Variants in HTR1D observed in about 807,000 individuals in gnomAD.
HTR1D encodes 5-HT-1D.
In HTR1D, 18 loss-of-function variants were observed where a neutral mutation model predicts 21.1. That is an observed-to-expected ratio of 0.85 (90% CI 0.59 to 1.27). HTR1D has a LOEUF of 1.27. Ranked by LOEUF, HTR1D falls within the 50% of genes most tolerant of loss-of-function variation. The pLI, the probability that HTR1D is intolerant of heterozygous loss-of-function variation, is 0.00. For missense variants in HTR1D, 456 were observed against 481.4 expected (o/e 0.95, Z 0.49); for synonymous variants, 196 against 204.4 (o/e 0.96, Z 0.35).
intron 1 of HTR1D, among the ~76,000 whole-genome samples, chr1:23,201,706 C>A (rs1389669848): frequency 6.6e-6 from 1 of 152,110 alleles, no homozygotes; most frequent in East Asian, 1.9e-4. Context: ...CACAAGCCAC[C>A]ATGCCCAGCA....
intron 1 of HTR1D, among the ~76,000 whole-genome samples, chr1:23,211,499 C>T (rs1557728418): frequency 6.6e-6 from 1 of 151,978 alleles, no homozygotes; most frequent in South Asian, 2.1e-4. Context: ...TACCATGTCC[C>T]GAGTTAAAAA....
rs1486077817 is a variant in HTR1D at position 23,217,348 on chromosome 1, C to T, written c.-840G>A. On this transcript the variant is annotated 5_prime_UTR_variant, in exon 1 of 2. Coordinates refer to ENST00000374619, the MANE Select transcript of HTR1D (RefSeq NM_000864.5). The surrounding 1 kb of genome is among the most constrained non-coding windows in gnomAD (Gnocchi z 4.6). ...CGTACCCGCCCGATCCACTTCCTCG[C>T]GCGGCGTCTCCCCGTCGCGGCCGCC... is the stretch of plus-strand genomic sequence containing the variant. 1.3e-5 allele frequency among the ~76,000 whole-genome samples: 2 copies of T among 151,796 alleles called. No individual in the cohort carries two copies. The highest frequency in any genetic ancestry group is 4.8e-5 in the African/African-American group (2 of 41,376).
At chr1:23,207,151 G>A (rs893489329) in intron 1 of HTR1D, among the ~76,000 whole-genome samples, 3 of 152,076 alleles carry the variant, frequency 2.0e-5, no homozygotes, top group African/African-American at 7.2e-5. Context: ...GTAATCTCAG[G>A]ACATTGGGAG....
At chr1:23,199,030 A>AT (rs137918322) in intron 1 of HTR1D, among the ~76,000 whole-genome samples, 53,021 of 150,718 alleles carry the variant, frequency 0.35, 9,766 homozygotes, top group African/African-American at 0.47. Context: ...TAATTTTTGT[A>AT]TTTTTTTTTA....
At position 23,213,260 on chromosome 1, in the gene HTR1D, G is replaced by A. The variant is rs577408588; in HGVS notation, c.-783+4031C>T. ...TAAGGGTTGGGAGGTCGAGGCTGGC[G>A]GATCATGAGGTCAGATCAAGACCAT... On this transcript the variant is annotated intron_variant, in intron 1 of 1. Transcript: ENST00000374619. Among the ~76,000 whole-genome samples, 35 of 151,920 alleles carry A rather than the reference G, an allele frequency of 2.3e-4. No individual in the cohort carries two copies. In the South Asian group the frequency reaches 5.4e-3, roughly 24 times the overall value.
chr1:23,215,796 T>C (rs1644771504), intron 1 of HTR1D, among the ~76,000 whole-genome samples: 1 of 152,234 alleles, frequency 6.6e-6, no homozygotes, highest in African/African-American at 2.4e-5. Flanking sequence ...GCACTAGGGC[T>C]CAGGGCTTCT....
chr1:23,209,929 C>T (rs1265997243), intron 1 of HTR1D, among the ~76,000 whole-genome samples: 1 of 152,150 alleles, frequency 6.6e-6, no homozygotes, highest in African/African-American at 2.4e-5. Context: ...TGAGCAGGCC[C>T]TCTCTCTGAC....
chr1:23,203,187 C>T (rs913040703), intron 1 of HTR1D, among the ~76,000 whole-genome samples: 9 of 152,192 alleles, frequency 5.9e-5, no homozygotes, highest in Admixed American at 2.0e-4. Context: ...GCATCAGCCA[C>T]CGCGCCCGGC....
At chr1:23,213,174 A>C (rs566832607) in intron 1 of HTR1D, among the ~76,000 whole-genome samples, 44 of 152,230 alleles carry the variant, frequency 2.9e-4, no homozygotes, top group African/African-American at 9.9e-4. Context: ...CACCTAGCCC[A>C]AGCTTTGAAT....
chr1:23,211,609 T>TTATGTATG lies in HTR1D; in HGVS notation c.-783+5674_-783+5681dup, dbSNP rs58459077. 7.8e-3 allele frequency among the ~76,000 whole-genome samples: 1,146 copies of TTATGTATG among 146,736 alleles called. 6 individuals carry two copies. Among genetic ancestry groups the TTATGTATG allele is most frequent in the Middle Eastern group, 0.01 (3 of 292 alleles). On this transcript the variant is annotated intron_variant, in intron 1 of 1. Coordinates refer to ENST00000374619, the MANE Select transcript of HTR1D (RefSeq NM_000864.5). ...CCCTGCAATACACTCCAAATCCTTT[T>TTATGTATG]TATGTATGTATGTATGTATGTATGT...
Position 23,217,429 on chromosome 1 carries a change from G to C in HTR1D, c.-921C>G, listed in dbSNP as rs933360364. On this transcript the variant is annotated 5_prime_UTR_variant, in exon 1 of 2. Coordinates refer to ENST00000374619, the MANE Select transcript of HTR1D (RefSeq NM_000864.5). This position sits in a 1 kb window ranked among gnomAD's most constrained non-coding sequence, Gnocchi z 4.6. ...GGGGCCGCCCGCCCCGCCGCCCCGG[G>C]GCCCTTTCCGGCTCGCGCCCTCGCG... 6.6e-6 allele frequency among the ~76,000 whole-genome samples: 1 copy of C among 151,858 alleles called. No individual in the cohort carries two copies. The highest frequency in any genetic ancestry group is 1.5e-5 in the Non-Finnish European group (1 of 67,886).
chr1:23,200,506 G>A (rs1033957933), intron 1 of HTR1D, among the ~76,000 whole-genome samples: 4 of 152,140 alleles, frequency 2.6e-5, no homozygotes, highest in Admixed American at 2.6e-4. Flanking sequence ...GAAACCAAAC[G>A]CTCAATATAG....
intron 1 of HTR1D, among the ~76,000 whole-genome samples, chr1:23,204,786 G>A (rs1644723548): frequency 6.6e-6 from 1 of 152,180 alleles, no homozygotes; most frequent in Non-Finnish European, 1.5e-5. Flanking sequence ...AGACAAGGAC[G>A]TGGAGCAGAG....
At chr1:23,201,473 A>G (rs886770044) in intron 1 of HTR1D, among the ~76,000 whole-genome samples, 1 of 152,056 alleles carries the variant, frequency 6.6e-6, no homozygotes, top group East Asian at 1.9e-4. Flanking sequence ...GTACCAACTC[A>G]TGTTTTCCCA....
chr1:23,195,165 C>T (rs1173473601), intron 1 of HTR1D, among the ~76,000 whole-genome samples, 164 bp from the exon 2 acceptor site: 1 of 152,138 alleles, frequency 6.6e-6, no homozygotes, highest in Non-Finnish European at 1.5e-5. Flanking sequence ...ATGTGCCCCA[C>T]CCATGCAATT....
intron 1 of HTR1D, among the ~76,000 whole-genome samples, chr1:23,213,547 TTC>T (rs1440967433): frequency 6.6e-6 from 1 of 152,120 alleles, no homozygotes; most frequent in African/African-American, 2.4e-5. Flanking sequence ...TCTAGGGTCT[TTC>T]TCTTAATAGG....
intron 1 of HTR1D, among the ~76,000 whole-genome samples, chr1:23,214,933 A>G (rs1429092737): frequency 6.6e-6 from 1 of 152,140 alleles, no homozygotes; most frequent in Non-Finnish European, 1.5e-5. Context: ...GAGATCACCC[A>G]GAGAGAGTGT....
chr1:23,216,993 C>T (rs1644776839), intron 1 of HTR1D, among the ~76,000 whole-genome samples: 1 of 152,048 alleles, frequency 6.6e-6, no homozygotes, highest in Admixed American at 6.5e-5. Flanking sequence ...TGCTTCCTGC[C>T]CCTCCAGTTC....
chr1:23,213,926 G>A (rs898407730), intron 1 of HTR1D, among the ~76,000 whole-genome samples: 23 of 152,084 alleles, frequency 1.5e-4, no homozygotes, highest in African/African-American at 5.6e-4. Context: ...GGACAACTGA[G>A]TGCAAAATCT....
Sources: allele counts gnomAD v4.1 joint callset (sites outside exome capture counted in the v4.1 genomes callset), GRCh38; gene constraint gnomAD v4.1.1; non-coding constraint Gnocchi (gnomAD v3.1); transcripts MANE v1.5; gene names NCBI Gene and HGNC (gene_info 2026-07-23, HGNC 2026-07-21).